Variants in GABPA observed in about 807,000 individuals in gnomAD.
GABPA encodes GA-binding protein alpha chain.
GABPA carries 4 observed loss-of-function variants against 59.4 expected under a neutral mutation model. That is an observed-to-expected ratio of 0.07 (90% CI 0.03 to 0.15). The LOEUF is 0.15. GABPA is among the 10% of genes least tolerant of loss of function. GABPA has a pLI of 1.00. For missense variants in GABPA, 251 were observed against 543.8 expected, an observed-to-expected ratio of 0.46 and a Z score of 5.36; for synonymous variants, 164 against 183.1, an observed-to-expected ratio of 0.90 and a Z score of 0.84.
At chr21:25,761,127 A>G (rs972065368) in intron 6 of GABPA, among the ~76,000 whole-genome samples, 8 of 152,182 alleles carry the variant, frequency 5.3e-5, no homozygotes, top group African/African-American at 1.9e-4. Context: ...AAGAGAGACC[A>G]CAGTTCTGGA....
At chr21:25,747,794 C>T (rs1045793975) in intron 3 of GABPA, among the ~76,000 whole-genome samples, 10 of 152,092 alleles carry the variant, frequency 6.6e-5, no homozygotes, top group African/African-American at 2.4e-4. Context: ...TGGATAATAC[C>T]AGTGTCCACC....
chr21:25,744,472 A>T (rs534081027), intron 2 of GABPA, among the ~76,000 whole-genome samples: 1 of 152,348 alleles, frequency 6.6e-6, no homozygotes, highest in South Asian at 2.1e-4. Context: ...ATCACAAATA[A>T]GATTTAAATC....
At chr21:25,737,288 A>T (rs73338278) in intron 1 of GABPA, among the ~76,000 whole-genome samples, 112 of 152,350 alleles carry the variant, frequency 7.4e-4, no homozygotes, top group African/African-American at 2.6e-3. Flanking sequence ...ATTGACATAG[A>T]AGCCTGAGGA....
intron 3 of GABPA, among the ~76,000 whole-genome samples, chr21:25,747,965 G>A (rs551727456): frequency 2.0e-5 from 3 of 152,118 alleles, no homozygotes; most frequent in Admixed American, 2.0e-4. Context: ...TGCCCAGACT[G>A]AGTGCAGTGG....
rs556712151 is a variant in GABPA at position 25,752,141 on chromosome 21, A to G, written c.460A>G (p.Thr154Ala). ...ITLDGTKHITTISDETSEQVT... is the reference protein window; with the variant it reads ...ITLDGTKHITAISDETSEQVT... ...TCTTGATGGCACAAAACACATCACA[A>G]CCATTTCAGATGAAACTTCAGAACA... Residue 154 changes from threonine (T) to alanine (A), a missense_variant, in exon 5 of 10, where the codon ACC becomes GCC. Coordinates refer to ENST00000400075, the MANE Select transcript of GABPA (RefSeq NM_002040.4). The G allele has an allele frequency of 1.2e-5, 19 of 1,610,356 alleles. No individual in the cohort carries two copies. Among genetic ancestry groups the G allele is most frequent in the Admixed American group, 6.7e-5 (4 of 59,914 alleles).
chr21:25,767,241 TTGACC>T (rs921969709), intron 9 of GABPA, among the ~76,000 whole-genome samples: 3 of 152,024 alleles, frequency 2.0e-5, no homozygotes, highest in African/African-American at 7.2e-5. Flanking sequence ...GTTCTGTTTC[TTGACC>T]TGAGTGATAC....
In GABPA at chr21:25,735,321, A is replaced by G. The variant is rs1218007222; in HGVS notation, c.-284A>G. The G allele has an allele frequency of 1.1e-5, 3 of 268,782 alleles. No individual in the cohort carries two copies. Among genetic ancestry groups the G allele is most frequent in the Non-Finnish European group, 2.2e-5 (3 of 139,212 alleles). 16.6% of individuals were successfully genotyped at this position (268,782 alleles called of 1,614,324 possible). A position where few individuals can be genotyped will look rare whatever the true frequency, so the allele number is the denominator to read the frequency against. Reference sequence around the variant, plus strand: ...GCGTTGTGCTTCCTTGTACCTCGTGAGCCTCCGTTGCCTTGGGCGGTCGTT... The same window carrying G: ...GCGTTGTGCTTCCTTGTACCTCGTGGGCCTCCGTTGCCTTGGGCGGTCGTT... On this transcript the variant is annotated 5_prime_UTR_variant, in exon 1 of 10. Coordinates refer to ENST00000400075, the MANE Select transcript of GABPA (RefSeq NM_002040.4).
At position 25,745,231 on chromosome 21, in the gene GABPA, G is replaced by A. The variant is rs61734758; in HGVS notation, c.99G>A (p.Ala33=). The A allele has an allele frequency of 3.8e-4, 607 of 1,613,446 alleles. 3 individuals carry two copies. In the African/African-American group the frequency reaches 5.8e-3, roughly 15 times the overall value. The change falls in exon 3 of 10, where the codon GCG becomes GCA. Residue 33 remains alanine (A), a synonymous_variant. Coordinates refer to ENST00000400075, the MANE Select transcript of GABPA (RefSeq NM_002040.4). ...TTAGCATTGTAGAACAAACCTACGC[G>A]CCAGCTGAATGTGTAAGCCAGGCCA... is the stretch of plus-strand genomic sequence containing the variant. ...TEESIVEQTY[A]PAECVSQAID...
intron 7 of GABPA, among the ~76,000 whole-genome samples, chr21:25,763,507 C>T (rs2146096951): frequency 6.6e-6 from 1 of 152,182 alleles, no homozygotes; most frequent in South Asian, 2.1e-4. Flanking sequence ...CTCTCTCCTA[C>T]CAGAGAACTA....
In GABPA at chr21:25,749,049, G is replaced by A. The variant is rs2035440845; in HGVS notation, c.236G>A (p.Arg79Gln). The change falls in exon 4 of 10, where the codon CGA (arginine) becomes CAA (glutamine). Residue 79 changes from arginine (R) to glutamine (Q), a missense_variant. Around this residue, in one of 4 missense-constraint regions of GABPA, gnomAD observed 207 missense variants for 366.7 expected, o/e 0.56. Coordinates refer to ENST00000400075, the MANE Select transcript of GABPA (RefSeq NM_002040.4). ...ATCCATGGTTAGCTGGATCCAGAAC[G>A]AAGTTTATTTGACCAAGGAGTAAAA... is the stretch of plus-strand genomic sequence containing the variant. The part of the protein sequence containing the change: ...CLQDIQLDPE[R>Q]SLFDQGVKTD... The A allele has an allele frequency of 5.0e-6, 8 of 1,603,230 alleles. No homozygotes were observed. Among genetic ancestry groups the A allele is most frequent in the Non-Finnish European group, 6.8e-6 (8 of 1,170,484 alleles).
intron 3 of GABPA, among the ~76,000 whole-genome samples, chr21:25,746,215 G>A (rs987332621): frequency 6.6e-6 from 1 of 151,924 alleles, no homozygotes; most frequent in Non-Finnish European, 1.5e-5. Context: ...GGGTTTTGCT[G>A]TGTTGGCCAG....
intron 4 of GABPA, among the ~76,000 whole-genome samples, chr21:25,750,004 T>G (rs528306361): frequency 6.6e-6 from 1 of 152,328 alleles, no homozygotes; most frequent in South Asian, 2.1e-4. Context: ...TTGTAGTGTA[T>G]AGTGAAATAA....
At chr21:25,753,271 G>T (rs2035557468) in intron 5 of GABPA, among the ~76,000 whole-genome samples, 1 of 152,146 alleles carries the variant, frequency 6.6e-6, no homozygotes, top group Non-Finnish European at 1.5e-5. Context: ...ATATTCAGCT[G>T]GAGGTTAGCC....
At chr21:25,758,286 T>C in intron 6 of GABPA, 82 bp downstream of exon 6, 1 of 966,926 alleles carries the variant, frequency 1.0e-6, no homozygotes, top group Non-Finnish European at 1.5e-6. Context: ...TCTTAGTTGT[T>C]TATTGATAAT....
intron 7 of GABPA, chr21:25,763,229 C>A: frequency 2.1e-6 from 1 of 477,460 alleles, no homozygotes; most frequent in Non-Finnish European, 4.1e-6. Flanking sequence ...ACATTACTGT[C>A]TAGTTTGAGA....
At chr21:25,767,495 A>C (rs1288502011) in intron 9 of GABPA, among the ~76,000 whole-genome samples, 1 of 152,002 alleles carries the variant, frequency 6.6e-6, no homozygotes, top group East Asian at 1.9e-4. Flanking sequence ...CTACTAGATC[A>C]AAAGAAGTAT....
At chr21:25,763,768 CAT>C (rs2035821296) in intron 7 of GABPA, among the ~76,000 whole-genome samples, 1 of 152,094 alleles carries the variant, frequency 6.6e-6, no homozygotes, top group South Asian at 2.1e-4. Flanking sequence ...TTTGTAAGAA[CAT>C]GTGTGAGATG....
At chr21:25,745,182 T>A in intron 2 of GABPA, 28 bp from the exon 3 acceptor site, 5 of 1,609,060 alleles carry the variant, frequency 3.1e-6, no homozygotes, top group Non-Finnish European at 4.2e-6. Context: ...AAAATGTAAC[T>A]GTTAGCACTT....
At chr21:25,741,869 A>G (rs1049695173) in intron 2 of GABPA, among the ~76,000 whole-genome samples, 194 bp downstream of exon 2, 3 of 152,190 alleles carry the variant, frequency 2.0e-5, no homozygotes, top group Non-Finnish European at 4.4e-5. Flanking sequence ...AACTAATGGT[A>G]GTAAAAGGGT....
Sources: gnomAD v4.1 joint callset for allele counts (sites outside exome capture counted in the v4.1 genomes callset) on GRCh38, gnomAD v4.1.1 for gene constraint, gnomAD v4.1.1 regional missense constraint, MANE v1.5 for transcripts, NCBI Gene and HGNC (gene_info 2026-07-23, HGNC 2026-07-21) for gene names.